The following SNPH variants were observed in gnomAD, a reference collection of about 807,000 sequenced individuals.
SNPH encodes the protein syntaphilin.
SNPH carries 10 observed loss-of-function variants against 36.8 expected under a neutral mutation model. The ratio of observed to expected loss-of-function variants is 0.27; its 90% CI spans 0.17 to 0.46. The LOEUF (loss-of-function observed/expected upper bound fraction) is 0.46. SNPH is among the 20% of genes least tolerant of loss of function. The pLI is 1.00. For missense variants in SNPH, 622 were observed against 744.0 expected (o/e 0.84, Z 1.91); for synonymous variants, 281 against 312.2 (o/e 0.90, Z 1.05).
chr20:1,278,532 A>G (rs2088179988), intron 2 of SNPH, among the ~76,000 whole-genome samples: 1 of 152,106 alleles, frequency 6.6e-6, no homozygotes, highest in African/African-American at 2.4e-5. Context: ...TCCTCAGGCA[A>G]TTACTGATCT....
At chr20:1,273,783 G>C (rs1306119307) in intron 2 of SNPH, among the ~76,000 whole-genome samples, 2 of 152,118 alleles carry the variant, frequency 1.3e-5, no homozygotes, top group Non-Finnish European at 2.9e-5. Flanking sequence ...GTAAAGATGG[G>C]ACGGAGAAAA....
Position 1,307,388 on chromosome 20 carries a change from G to A in SNPH, c.*1334G>A, listed in dbSNP as rs913254636. On this transcript the variant is annotated 3_prime_UTR_variant, in exon 7 of 7. Coordinates refer to ENST00000381867, the MANE Select transcript of SNPH (RefSeq NM_001318234.2). ...AGTTCACTGCCCCAACTCTTTTCCC[G>A]GGACCATACTGAGTCCCCCAGCCAC... The A allele has an allele frequency of 6.6e-6, 1 of 152,142 alleles. No individual in the cohort carries two copies. The highest frequency in any genetic ancestry group is 2.4e-5 in the African/African-American group (1 of 41,422). The allele number at this position is 152,142 out of a possible 1,614,324, so 9.4% of individuals were successfully genotyped here.
chr20:1,290,730 T>A (rs1323133), intron 2 of SNPH, among the ~76,000 whole-genome samples: 124,018 of 152,176 alleles, frequency 0.81, 51,115 homozygotes, highest in African/African-American at 0.87. Flanking sequence ...TTGCTGGTTC[T>A]TATGGCAATT....
Position 1,300,709 on chromosome 20 carries a change from C to T in SNPH, c.438C>T (p.Asp146=), listed in dbSNP as rs1279699645. 16 of 1,610,106 alleles carry T rather than the reference C, an allele frequency of 9.9e-6. No individual in the cohort carries two copies. Among genetic ancestry groups the T allele is most frequent in the Non-Finnish European group, 1.4e-5 (16 of 1,179,190 alleles). ...RLKDTQDRLQ[D]RDTEIDDLKT... ...AGGACACACAGGACCGGCTCCAGGA[C>T]CGGTGAGCGGGTGGCCACGAGCAGC... Residue 146 remains aspartate, a splice_region_variant and synonymous_variant, in exon 6 of 7, where the codon GAC becomes GAT. Coordinates refer to ENST00000381867, the MANE Select transcript of SNPH (RefSeq NM_001318234.2).
intron 6 of SNPH, among the ~76,000 whole-genome samples, chr20:1,302,795 G>C (rs905791724): frequency 6.6e-6 from 1 of 152,234 alleles, no homozygotes; most frequent in African/African-American, 2.4e-5. Context: ...GATTTGTTGT[G>C]GTTTTAAACT....
At chr20:1,290,852 G>A (rs1368959362) in intron 2 of SNPH, among the ~76,000 whole-genome samples, 2 of 152,210 alleles carry the variant, frequency 1.3e-5, no homozygotes, top group African/African-American at 2.4e-5. Context: ...CCTTGACAAC[G>A]CTTGTTATTG....
rs1473872315 is a variant in SNPH, at chr20:1,294,472, C to A, written c.-492-479C>A. Among the ~76,000 whole-genome samples, 2 of 152,192 alleles carry A rather than the reference C, an allele frequency of 1.3e-5. No individual in the cohort carries two copies. Among genetic ancestry groups the A allele is most frequent in the African/African-American group, 4.8e-5 (2 of 41,442 alleles). On this transcript the variant is annotated intron_variant, in intron 2 of 6. Transcript: ENST00000381867. This position sits in a 1 kb window ranked among gnomAD's most constrained non-coding sequence, Gnocchi z 4.4. ...TCCTCCATGGTTCCTGCTCTAGGGG[C>A]CAGCCCTACAGTTCCAGGAGGCCCT...
rs1393717427 is a variant in SNPH at position 1,305,709 on chromosome 20, C to G, written c.1272C>G (p.Thr424=). ...GDELEAPEPI[T]RGPTPQRPGA... ...AGCTAGAGGCCCCAGAGCCCATCAC[C>G]CGTGGACCCACCCCACAGCGGCCTG... Residue 424 remains threonine, a synonymous_variant, in exon 7 of 7, where the codon ACC becomes ACG. Transcript: ENST00000381867. 1 of 1,609,902 alleles carries G rather than the reference C, an allele frequency of 6.2e-7. No individual in the cohort carries two copies. The highest frequency in any genetic ancestry group is 2.2e-5 in the East Asian group (1 of 44,870).
rs1318433276 is a variant in SNPH, at chr20:1,295,821, C to G, written c.-419C>G. Reference sequence around the variant, plus strand: ...GGCCAACTGGGAAGTTGATGGTCGGCGAGACCAGCCCATCCTAATTTGGGG... The same window carrying G: ...GGCCAACTGGGAAGTTGATGGTCGGGGAGACCAGCCCATCCTAATTTGGGG... On this transcript the variant is annotated 5_prime_UTR_variant, in exon 4 of 7. Transcript: ENST00000381867. 5.8e-6 allele frequency: 1 copy of G among 173,158 alleles called. No homozygotes were observed. The highest frequency in any genetic ancestry group is 1.2e-5 in the Non-Finnish European group (1 of 82,688). The allele number at this position is 173,158 out of a possible 1,614,324, so 10.7% of individuals were successfully genotyped here. A position where few individuals can be genotyped will look rare whatever the true frequency, so the allele number is the denominator to read the frequency against.
At chr20:1,277,452 CAT>C (rs1491574364) in intron 2 of SNPH, among the ~76,000 whole-genome samples, 2 of 121,012 alleles carry the variant, frequency 1.7e-5, no homozygotes. Context: ...TGTGTGTGTC[CAT>C]GTGTATGCCT....
At position 1,266,720 on chromosome 20, in the gene SNPH, TG is replaced by T; in HGVS notation, c.-531del. On this transcript the variant is annotated 5_prime_UTR_variant, in exon 2 of 7. Transcript: ENST00000381867. This position sits in a 1 kb window ranked among gnomAD's most constrained non-coding sequence, Gnocchi z 6.0. The stretch of plus-strand genomic sequence containing the variant: ...GGCGCTGCGCCAAGCCGGGCCGGAG[TG>T]GTGCGAGCCGGCGGGGCTGCGGAGG... The T allele has an allele frequency of 7.1e-7, 1 of 1,413,946 alleles. No homozygotes were observed. The highest frequency in any genetic ancestry group is 9.2e-7 in the Non-Finnish European group (1 of 1,088,226). 87.6% of individuals were successfully genotyped at this position (1,413,946 alleles called of 1,614,324 possible).
rs533955590 is a variant in SNPH, at chr20:1,285,912, TG to T, written c.-492-9037del. Among the ~76,000 whole-genome samples, 123 of 152,034 alleles carry T rather than the reference TG, an allele frequency of 8.1e-4. No homozygotes were observed. The highest frequency in any genetic ancestry group is 2.7e-3 in the African/African-American group (114 of 41,460). ...GAGTTTGAGACCATCCTGGCCAATA[TG>T]GTGAAACCCCGTCTCTACTAAAAAT... is the stretch of plus-strand genomic sequence containing the variant. On this transcript the variant is annotated intron_variant, in intron 2 of 6. Coordinates refer to ENST00000381867, the MANE Select transcript of SNPH (RefSeq NM_001318234.2). This position sits in a 1 kb window ranked among gnomAD's most constrained non-coding sequence, Gnocchi z 4.9.
Position 1,305,628 on chromosome 20 carries a change from C to G in SNPH, c.1191C>G (p.Ala397=), listed in dbSNP as rs141295373. 6.2e-6 allele frequency: 10 copies of G among 1,613,404 alleles called. No individual in the cohort carries two copies. The highest frequency in any genetic ancestry group is 5.0e-5 in the Admixed American group (3 of 60,010). The change falls in exon 7 of 7, where the codon GCC becomes GCG. Residue 397 remains alanine, a synonymous_variant. Transcript: ENST00000381867. ...GGGACAGGTGCCCAGAGCTGGATGC[C>G]CACCCTTCAGGGCCCAGAGACCCCA... The part of the protein sequence containing the change: ...ESGDRCPELD[A]HPSGPRDPNS...
At chr20:1,281,588 C>G (rs953516132) in intron 2 of SNPH, among the ~76,000 whole-genome samples, 1 of 152,174 alleles carries the variant, frequency 6.6e-6, no homozygotes, top group African/African-American at 2.4e-5. Context: ...AAATGCTAAC[C>G]CCTATTCCTG....
chr20:1,278,422 C>T (rs545238222), intron 2 of SNPH, among the ~76,000 whole-genome samples: 2 of 152,238 alleles, frequency 1.3e-5, no homozygotes, highest in African/African-American at 4.8e-5. Context: ...ATCTAAAGTA[C>T]AGTGTGGTAA....
chr20:1,299,808 C>T (rs1378829353), intron 5 of SNPH, among the ~76,000 whole-genome samples: 2 of 152,206 alleles, frequency 1.3e-5, no homozygotes, highest in African/African-American at 4.8e-5. Context: ...TGTATGTGGG[C>T]ATGCAGGTGT....
chr20:1,300,478 G>A (rs1041068316), intron 5 of SNPH, 84 bp from the exon 6 acceptor site: 1 of 1,473,332 alleles, frequency 6.8e-7, no homozygotes, highest in Non-Finnish European at 9.4e-7. Context: ...GGTGAGGCTG[G>A]TGTCCCCTTG....
intron 2 of SNPH, among the ~76,000 whole-genome samples, chr20:1,277,975 C>CTG (rs545119110): frequency 1.5e-5 from 2 of 134,464 alleles, no homozygotes; most frequent in Admixed American, 7.5e-5. Flanking sequence ...CTGTGTGTAT[C>CTG]TGTGTGTGTG....
rs2122213391 is a variant in SNPH at position 1,266,826 on chromosome 20, GCAAC to G, written c.-493+68_-493+71del. On this transcript the variant is annotated intron_variant, in intron 2 of 6. Transcript: ENST00000381867. This position sits in a 1 kb window ranked among gnomAD's most constrained non-coding sequence, Gnocchi z 6.0. ...GCACCGCGGCAGGTGGGGGCCGCTT[GCAAC>G]CGCTCGCTGCGGTAGAATCCCTTGG... The G allele has an allele frequency of 7.7e-7, 1 of 1,303,080 alleles. No homozygotes were observed. The highest frequency in any genetic ancestry group is 3.1e-5 in the East Asian group (1 of 31,794). The allele number at this position is 1,303,080 out of a possible 1,614,324, so 80.7% of individuals were successfully genotyped here.
Sources: gnomAD v4.1 joint callset for allele counts (sites outside exome capture counted in the v4.1 genomes callset) on GRCh38, gnomAD v4.1.1 for gene constraint, Gnocchi (gnomAD v3.1) non-coding constraint, MANE v1.5 for transcripts, NCBI Gene and HGNC (gene_info 2026-07-23, HGNC 2026-07-21) for gene names.